Variants in LAS1L observed in about 807,000 individuals in gnomAD.
The protein encoded by LAS1L is LAS1 like ribosome biogenesis factor.
LAS1L carries 5 observed loss-of-function variants against 57.3 expected under a neutral mutation model. The ratio of observed to expected loss-of-function variants is 0.09; its 90% confidence interval spans 0.05 to 0.18. The LOEUF is 0.18. Among genes scored for constraint, LAS1L ranks in the 10% least tolerant of loss-of-function variants. The pLI, the probability that LAS1L is intolerant of heterozygous loss-of-function variation, is 1.00. For synonymous variants in LAS1L, 245 were observed against 231.7 expected, an observed-to-expected ratio of 1.06 and a Z score of -0.52; for missense variants, 360 against 568.3, an observed-to-expected ratio of 0.63 and a Z score of 3.73.
chrX:65,529,542 A>G, intron 5 of LAS1L, 52 bp downstream of exon 5: 17 of 1,142,549 alleles, frequency 1.5e-5, no homozygotes, highest in Non-Finnish European at 2.0e-5. Context: ...GTTAACCCTA[A>G]GCCTGAGCCT....
chrX:65,527,861 AACAAG>A (rs984956750), intron 7 of LAS1L, among the ~76,000 whole-genome samples: 3 of 111,891 alleles, frequency 2.7e-5, no homozygotes, highest in African/African-American at 9.7e-5. Context: ...ATAAAAAAAA[AACAAG>A]ACAAGACTAG....
chrX:65,524,288 G>T lies in LAS1L; in HGVS notation c.1094-26C>A, dbSNP rs771153611. 9 of 1,124,699 alleles carry T rather than the reference G, an allele frequency of 8.0e-6. No individual in the cohort carries two copies. The South Asian group carries it at 1.7e-4, about 21-fold the overall frequency. The allele number at this position is 1,124,699 out of a possible 1,213,427, so 92.7% of individuals were successfully genotyped here. ...CTGGTTTGTAAGGGACACCCATTTG[G>T]GGGGGCAATAGGAGAGAGAGAGCAG... On this transcript the variant is annotated intron_variant, in intron 9 of 13. Transcript: ENST00000374811.
intron 6 of LAS1L, 47 bp from the exon 7 acceptor site, chrX:65,528,416 C>T (rs1486867640): frequency 1.4e-6 from 1 of 724,413 alleles, no homozygotes; most frequent in Admixed American, 2.6e-5. Context: ...AGCCAAGCAA[C>T]CCACCTCCAC....
intron 7 of LAS1L, among the ~76,000 whole-genome samples, chrX:65,525,871 C>A (rs191686955): frequency 9.0e-4 from 100 of 110,637 alleles, no homozygotes; most frequent in African/African-American, 2.5e-3. Flanking sequence ...AAGAGGCTTT[C>A]TGCTACAGTT....
chrX:65,531,432 T>C lies in LAS1L; in HGVS notation c.439A>G (p.Ile147Val). 8.4e-7 allele frequency: 1 copy of C among 1,195,323 alleles called. No homozygotes were observed. Among genetic ancestry groups the C allele is most frequent in the Non-Finnish European group, 1.1e-6 (1 of 880,669 alleles). The change falls in exon 4 of 14, where the codon ATT becomes GTT. Residue 147 changes from isoleucine to valine, a missense_variant. Around this residue, in one of 7 missense-constraint regions of LAS1L, gnomAD observed 43 missense variants for 78.0 expected, o/e 0.55. Transcript: ENST00000374811. ...CGAAGGTCAACAATCCAATCCGGAA[T>C]ATTTACCTGATTACAGGGGAGGGTG... ...PLKCLAQEVN[I>V]PDWIVDLRHE... is the part of the protein sequence containing the mutation.
intron 11 of LAS1L, chrX:65,521,077 A>C (rs2068830017): frequency 1.3e-6 from 1 of 748,997 alleles, no homozygotes; most frequent in Non-Finnish European, 1.6e-6. Context: ...GTGGCTGTTC[A>C]GTTCCAACTC....
rs761145161 is a variant in LAS1L, at chrX:65,523,917, G to A, written c.1300+139C>T. 85 of 726,397 alleles carry A rather than the reference G, an allele frequency of 1.2e-4. No individual in the cohort carries two copies. The East Asian group carries it at 2.6e-3, about 22-fold the overall frequency. 59.9% of individuals were successfully genotyped at this position (726,397 alleles called of 1,213,427 possible). ...AAAGGGAGATTTGTCCACTGCTGCC[G>A]TGGGGCCCTCTTGGGCAAACCTAAA... On this transcript the variant is annotated intron_variant, in intron 10 of 13. Transcript: ENST00000374811.
intron 7 of LAS1L, among the ~76,000 whole-genome samples, chrX:65,527,368 T>C (rs935310388): frequency 1.8e-5 from 2 of 109,191 alleles, no homozygotes; most frequent in Non-Finnish European, 3.8e-5. Context: ...AGACCCCATC[T>C]CTACAAAAAA....
Position 65,534,728 on chromosome X carries a change from A to G in LAS1L, c.-13T>C. 1 of 1,135,580 alleles carries G rather than the reference A, an allele frequency of 8.8e-7. No individual in the cohort carries two copies. The highest frequency in any genetic ancestry group is 1.2e-6 in the Non-Finnish European group (1 of 844,912). 93.6% of individuals were successfully genotyped at this position (1,135,580 alleles called of 1,213,427 possible). ...ATTCCCACGACATACTGAGCTCAAC[A>G]ACAGGCTCTGTGCCGCGCCGCTCCG... On this transcript the variant is annotated 5_prime_UTR_variant, in exon 1 of 14. Transcript: ENST00000374811.
At chrX:65,514,062 A>T (rs1260996810) in intron 13 of LAS1L, among the ~76,000 whole-genome samples, 2 of 112,051 alleles carry the variant, frequency 1.8e-5, no homozygotes, top group Non-Finnish European at 3.8e-5. Flanking sequence ...TCTCCCAGGG[A>T]GTGGGCAGGC....
chrX:65,524,475 G>A, intron 9 of LAS1L, 89 bp downstream of exon 9: 6 of 503,228 alleles, frequency 1.2e-5, no homozygotes, highest in Admixed American at 2.8e-5. Flanking sequence ...AGAGAAACCA[G>A]TTAGTATCTG....
At chrX:65,529,900 G>A in intron 4 of LAS1L, 22 bp from the exon 5 acceptor site, 3 of 1,202,029 alleles carry the variant, frequency 2.5e-6, no homozygotes, top group Non-Finnish European at 3.4e-6. Flanking sequence ...AAGGCAGGCA[G>A]TGCCACAGGA....
At chrX:65,534,429 A>G in intron 1 of LAS1L, 51 bp downstream of exon 1, 1 of 943,781 alleles carries the variant, frequency 1.1e-6, no homozygotes, top group Non-Finnish European at 1.5e-6. Flanking sequence ...ACAAAGGAAG[A>G]GGTGCAGCGC....
intron 11 of LAS1L, chrX:65,521,336 T>C: frequency 1.4e-6 from 1 of 720,912 alleles, no homozygotes; most frequent in South Asian, 7.1e-5. Flanking sequence ...CGACATTTAC[T>C]GAGGCCTGTT....
rs778055974 is a variant in LAS1L at position 65,533,873 on chromosome X, G to A, written c.237-138C>T. Reference sequence around the variant, plus strand: ...ATGAACAGACACAAAACAAGAAGGTGGGAGGAGACACGGTAATGTCTGTGG... The same window carrying A: ...ATGAACAGACACAAAACAAGAAGGTAGGAGGAGACACGGTAATGTCTGTGG... On this transcript the variant is annotated intron_variant, in intron 1 of 13. Transcript: ENST00000374811. 225 of 643,295 alleles carry A rather than the reference G, an allele frequency of 3.5e-4. 1 individual carries two copies. The African/African-American group carries it at 4.8e-3, about 14-fold the overall frequency. 53.0% of individuals were successfully genotyped at this position (643,295 alleles called of 1,213,427 possible).
At position 65,512,835 on chromosome X, in the gene LAS1L, C is replaced by G; in HGVS notation, c.2145G>C (p.Glu715Asp). 2 of 1,167,797 alleles carry G rather than the reference C, an allele frequency of 1.7e-6. No homozygotes were observed. The highest frequency in any genetic ancestry group is 1.9e-5 in the South Asian group (1 of 52,691). ...GCTGCCCCTGGCTCCAGAGAAGGCCCTCGAAGTTGCTGCTGCTGCTGTTGC... is the reference window on the plus strand; with the variant it reads ...GCTGCCCCTGGCTCCAGAGAAGGCCGTCGAAGTTGCTGCTGCTGCTGTTGC... ...NCSNSSSSNF[E>D]GLLWSQGQLH... Residue 715 changes from glutamate to aspartate, a missense_variant, in exon 14 of 14, where the codon GAG becomes GAC. By Grantham distance (45) the Glu-to-Asp change is conservative (BLOSUM62 2). Transcript: ENST00000374811.
intron 3 of LAS1L, among the ~76,000 whole-genome samples, chrX:65,532,276 G>T (rs1305600448): frequency 8.9e-6 from 1 of 112,710 alleles, no homozygotes; most frequent in African/African-American, 3.2e-5. Context: ...AGCTCCATGA[G>T]GGCAGGTGCT....
intron 1 of LAS1L, 84 bp downstream of exon 1, chrX:65,534,396 G>A: frequency 4.0e-6 from 3 of 742,919 alleles, no homozygotes; most frequent in South Asian, 2.6e-5. Flanking sequence ...GAAGACTGGA[G>A]AACAGGGCCT....
chrX:65,529,095 T>C, intron 6 of LAS1L, 117 bp downstream of exon 6: 1 of 625,480 alleles, frequency 1.6e-6, no homozygotes, highest in Non-Finnish European at 2.7e-6. Context: ...AGAAGTTCCC[T>C]CACGCTTTGT....
Sources: allele counts gnomAD v4.1 joint callset (sites outside exome capture counted in the v4.1 genomes callset), GRCh38; gene constraint gnomAD v4.1.1; regional missense constraint gnomAD v4.1.1; transcripts MANE v1.5; gene names NCBI Gene and HGNC (gene_info 2026-07-23, HGNC 2026-07-21).